Variants in DENND1A observed in about 807,000 individuals in gnomAD.
The protein encoded by DENND1A is DENN domain-containing protein 1A.
Under a neutral mutation model 113.7 loss-of-function variants are expected in DENND1A, and 51 were observed. The ratio of observed to expected loss-of-function variants is 0.45; its 90% CI spans 0.36 to 0.57. The LOEUF is 0.57. DENND1A is among the 20% of genes least tolerant of loss of function. The pLI is 0.00. For missense variants in DENND1A, 1,258 were observed against 1,395.9 expected, an observed-to-expected ratio of 0.90 and a Z score of 1.57; for synonymous variants, 565 against 570.8, an observed-to-expected ratio of 0.99 and a Z score of 0.14.
chr9:123,383,571 C>T (rs970626772), intron 23 of DENND1A, 84 bp downstream of exon 23: 55 of 1,536,846 alleles, frequency 3.6e-5, no homozygotes, highest in African/African-American at 6.8e-5. Flanking sequence ...CTCCCTTAGT[C>T]TCTTCCACTG....
In DENND1A at chr9:123,722,348, C is replaced by G. The variant is rs2141163783; in HGVS notation, c.302+35355G>C. On this transcript the variant is annotated intron_variant, in intron 5 of 23. Transcript: ENST00000394215. Reference sequence around the variant, plus strand: ...ACATAAAAGTTTGAAAAATTTGCAGCCTGACAATACAATAGAAAAGAAAAT... The same window carrying G: ...ACATAAAAGTTTGAAAAATTTGCAGGCTGACAATACAATAGAAAAGAAAAT... Among the ~76,000 whole-genome samples, 3 of 152,290 alleles carry G rather than the reference C, an allele frequency of 2.0e-5. 1 individual carries two copies. The highest frequency in any genetic ancestry group is 4.4e-5 in the Non-Finnish European group (3 of 68,016).
intron 5 of DENND1A, among the ~76,000 whole-genome samples, chr9:123,723,816 C>T (rs2067508970): frequency 6.6e-6 from 1 of 152,172 alleles, no homozygotes; most frequent in African/African-American, 2.4e-5. Flanking sequence ...GACTAATACA[C>T]CTCCCTCAGG....
intron 5 of DENND1A, among the ~76,000 whole-genome samples, chr9:123,730,277 G>A (rs950003532): frequency 2.0e-5 from 3 of 152,158 alleles, no homozygotes; most frequent in Non-Finnish European, 2.9e-5. Flanking sequence ...TTAAACTAAA[G>A]AGCTTCTGCA....
chr9:123,510,236 T>C (rs2053340590), intron 13 of DENND1A, among the ~76,000 whole-genome samples: 1 of 152,258 alleles, frequency 6.6e-6, no homozygotes, highest in South Asian at 2.1e-4. Flanking sequence ...ATCCTTGTGC[T>C]CCTTGTATTA....
At chr9:123,811,758 CAAAAAT>C (rs1265820107) in intron 2 of DENND1A, among the ~76,000 whole-genome samples, 1 of 152,054 alleles carries the variant, frequency 6.6e-6, no homozygotes, top group African/African-American at 2.4e-5. Flanking sequence ...GACTCCAACT[CAAAAAT>C]AAAAATAAAA....
chr9:123,700,319 A>C (rs1448503272), intron 5 of DENND1A, among the ~76,000 whole-genome samples: 1 of 152,222 alleles, frequency 6.6e-6, no homozygotes, highest in Non-Finnish European at 1.5e-5. Context: ...TTGACTCTAT[A>C]GATCAATTTG....
chr9:123,835,056 T>A (rs1840844128), intron 2 of DENND1A, among the ~76,000 whole-genome samples: 1 of 148,354 alleles, frequency 6.7e-6, no homozygotes, highest in African/African-American at 2.5e-5. Context: ...GCTCAGGACA[T>A]AAACAGCTCT....
chr9:123,495,917 G>A (rs913524539), intron 13 of DENND1A, among the ~76,000 whole-genome samples: 6 of 152,374 alleles, frequency 3.9e-5, no homozygotes, highest in African/African-American at 1.4e-4. Context: ...GCAGCTTAAT[G>A]TTGTCCGCTC....
chr9:123,589,727 C>T (rs1261797982), intron 11 of DENND1A, among the ~76,000 whole-genome samples: 2 of 149,198 alleles, frequency 1.3e-5, no homozygotes, highest in African/African-American at 2.5e-5. Context: ...GAAACACACA[C>T]ACAAAATGGC....
At chr9:123,689,233 C>T (rs972443515) in intron 5 of DENND1A, among the ~76,000 whole-genome samples, 10 of 152,104 alleles carry the variant, frequency 6.6e-5, no homozygotes, top group African/African-American at 2.4e-4. Flanking sequence ...TCATATTGGC[C>T]AGGCTGGTCT....
At chr9:123,398,345 C>T (rs1161261277) in intron 21 of DENND1A, among the ~76,000 whole-genome samples, 42 of 152,144 alleles carry the variant, frequency 2.8e-4, no homozygotes, top group Non-Finnish European at 5.9e-5. Flanking sequence ...ACAGTGCTGC[C>T]TTTCAGAGCC....
At chr9:123,843,040 A>G (rs1842052304) in intron 2 of DENND1A, 1 of 496,010 alleles carries the variant, frequency 2.0e-6, no homozygotes, top group African/African-American at 2.0e-5. Context: ...AATACCATGA[A>G]AGATACTGAC....
chr9:123,670,773 A>G (rs1386821076), intron 7 of DENND1A, among the ~76,000 whole-genome samples: 2 of 152,232 alleles, frequency 1.3e-5, no homozygotes, highest in African/African-American at 4.8e-5. Context: ...CTTCGAGCAA[A>G]GGAGGTAATC....
chr9:123,686,652 C>G (rs2064829497), intron 5 of DENND1A, among the ~76,000 whole-genome samples: 1 of 152,190 alleles, frequency 6.6e-6, no homozygotes, highest in Admixed American at 6.5e-5. Context: ...ATGTTTTAAT[C>G]AAACACAGCA....
chr9:123,697,293 A>G (rs998033800), intron 5 of DENND1A, among the ~76,000 whole-genome samples: 1 of 152,244 alleles, frequency 6.6e-6, no homozygotes, highest in Non-Finnish European at 1.5e-5. Flanking sequence ...CTTTAGTCAT[A>G]CAAGACAAAA....
At chr9:123,831,260 A>G (rs1840169341) in intron 2 of DENND1A, among the ~76,000 whole-genome samples, 2 of 152,178 alleles carry the variant, frequency 1.3e-5, no homozygotes, top group African/African-American at 2.4e-5. Flanking sequence ...TTATACACGA[A>G]TATCTATAAT....
At chr9:123,498,832 C>T (rs1301746773) in intron 13 of DENND1A, among the ~76,000 whole-genome samples, 3 of 152,026 alleles carry the variant, frequency 2.0e-5, no homozygotes. Context: ...AAGTGATTCT[C>T]CCACCTCAGC....
At chr9:123,409,547 T>C (rs1398835101) in intron 20 of DENND1A, among the ~76,000 whole-genome samples, 2 of 151,550 alleles carry the variant, frequency 1.3e-5, no homozygotes, top group African/African-American at 2.4e-5. Context: ...GAGCTTGGAA[T>C]ACTGGCAAGA....
At chr9:123,835,900 G>A (rs1158493132) in intron 2 of DENND1A, among the ~76,000 whole-genome samples, 2 of 152,150 alleles carry the variant, frequency 1.3e-5, no homozygotes, top group African/African-American at 4.8e-5. Flanking sequence ...CAGCTATGAA[G>A]CCTGGCAAAA....
Sources: gnomAD v4.1 joint callset for allele counts (sites outside exome capture counted in the v4.1 genomes callset) on GRCh38, gnomAD v4.1.1 for gene constraint, MANE v1.5 for transcripts, NCBI Gene and HGNC (gene_info 2026-07-23, HGNC 2026-07-21) for gene names.